The following ARHGAP10 variants were observed in gnomAD, a reference collection of about 807,000 sequenced individuals.
ARHGAP10 encodes the protein rho GTPase-activating protein 10.
In ARHGAP10, 87 loss-of-function variants were observed where a neutral mutation model predicts 108.6. That is an observed-to-expected ratio of 0.80 (90% CI 0.67 to 0.96). The LOEUF (loss-of-function observed/expected upper bound fraction) is 0.96. ARHGAP10 is among the 40% of genes least tolerant of loss of function. The pLI, the probability that ARHGAP10 is intolerant of heterozygous loss-of-function variation, is 0.00. For missense variants in ARHGAP10, 939 were observed against 954.5 expected (o/e 0.98, Z 0.21); for synonymous variants, 347 against 341.1 (o/e 1.02, Z -0.19).
chr4:148,021,095 A>G (rs906914583), intron 18 of ARHGAP10, among the ~76,000 whole-genome samples: 1 of 152,202 alleles, frequency 6.6e-6, no homozygotes, highest in South Asian at 2.1e-4. Context: ...ATTCCCAGAT[A>G]TTCTGATGTG....
At chr4:147,758,498 C>T (rs185058937) in intron 1 of ARHGAP10, among the ~76,000 whole-genome samples, 1 of 152,162 alleles carries the variant, frequency 6.6e-6, no homozygotes, top group East Asian at 1.9e-4. Flanking sequence ...AGCCTGTCCC[C>T]TTTTGGCTAA....
chr4:147,797,996 A>G (rs1731386773), intron 1 of ARHGAP10, among the ~76,000 whole-genome samples: 1 of 151,812 alleles, frequency 6.6e-6, no homozygotes, highest in African/African-American at 2.4e-5. Context: ...TGCATTTCTG[A>G]TTAGATCGAG....
chr4:147,945,988 G>C lies in ARHGAP10; in HGVS notation c.1304-629G>C, dbSNP rs149740164. Among the ~76,000 whole-genome samples the C allele has an allele frequency of 1.5e-3, 229 of 152,290 alleles. 1 individual carries two copies. Among genetic ancestry groups the C allele is most frequent in the African/African-American group, 4.9e-3 (202 of 41,566 alleles). On this transcript the variant is annotated intron_variant, in intron 14 of 22. Coordinates refer to ENST00000336498, the MANE Select transcript of ARHGAP10 (RefSeq NM_024605.4). ...TTGCATAAGGCGGGAATTCCCAGTA[G>C]CTCCACCCTGTTCCCCCAGTGCGCG...
chr4:147,784,671 T>TGA (rs1357217862), intron 1 of ARHGAP10, among the ~76,000 whole-genome samples: 2 of 80,014 alleles, frequency 2.5e-5, no homozygotes, highest in East Asian at 3.8e-4. Flanking sequence ...ATATATATTA[T>TGA]ATATTATAAA....
intron 10 of ARHGAP10, among the ~76,000 whole-genome samples, chr4:147,905,717 CTCT>C (rs2126908109): frequency 6.7e-6 from 1 of 149,190 alleles, no homozygotes; most frequent in African/African-American, 2.4e-5. Flanking sequence ...GCGATGTGGG[CTCT>C]TTTTTGGTTC....
At chr4:147,910,637 C>G (rs1736693394) in intron 12 of ARHGAP10, among the ~76,000 whole-genome samples, 4 of 151,954 alleles carry the variant, frequency 2.6e-5, no homozygotes, top group African/African-American at 9.7e-5. Context: ...CACTGCTGTA[C>G]TTGAAGAAAA....
At chr4:148,002,128 G>A (rs2149646137) in intron 18 of ARHGAP10, among the ~76,000 whole-genome samples, 1 of 152,294 alleles carries the variant, frequency 6.6e-6, no homozygotes, top group Admixed American at 6.5e-5. Flanking sequence ...CATGAAGGCT[G>A]TTGAATTTTG....
At chr4:147,813,544 C>T (rs1225442187) in intron 1 of ARHGAP10, among the ~76,000 whole-genome samples, 1 of 152,218 alleles carries the variant, frequency 6.6e-6, no homozygotes. Flanking sequence ...GGCATGAGGA[C>T]AGGCCTGCCA....
intron 9 of ARHGAP10, among the ~76,000 whole-genome samples, chr4:147,880,735 A>G (rs781402847): frequency 2.0e-4 from 30 of 152,216 alleles, no homozygotes; most frequent in Non-Finnish European, 3.4e-4. Flanking sequence ...GGTGATTCAC[A>G]TAGGGAAGAG....
intron 18 of ARHGAP10, among the ~76,000 whole-genome samples, chr4:147,970,916 CAT>C (rs1389547104): frequency 6.6e-6 from 1 of 151,980 alleles, no homozygotes; most frequent in Non-Finnish European, 1.5e-5. Context: ...GGCAAAACCC[CAT>C]CTCTACTTAA....
chr4:148,019,232 T>C (rs1159220648), intron 18 of ARHGAP10, among the ~76,000 whole-genome samples: 1 of 152,242 alleles, frequency 6.6e-6, no homozygotes, highest in Admixed American at 6.5e-5. Flanking sequence ...ATTAGTGCCC[T>C]CTAAAATAGC....
At chr4:147,945,509 C>G (rs990728645) in intron 14 of ARHGAP10, among the ~76,000 whole-genome samples, 26 of 152,114 alleles carry the variant, frequency 1.7e-4, no homozygotes, top group Admixed American at 1.5e-3. Flanking sequence ...ATAAATATTT[C>G]CCGGATGACT....
intron 3 of ARHGAP10, among the ~76,000 whole-genome samples, chr4:147,840,563 G>A (rs1436489): frequency 0.15 from 22,223 of 152,126 alleles, 1,702 homozygotes; most frequent in African/African-American, 0.2. Context: ...ACCTTGTTTG[G>A]ATTCAGGCGG....
chr4:147,870,934 G>C (rs1312062244), intron 7 of ARHGAP10, among the ~76,000 whole-genome samples: 1 of 93,964 alleles, frequency 1.1e-5, no homozygotes, highest in Non-Finnish European at 1.9e-5. Flanking sequence ...CAGACTGTGT[G>C]TGTGTGTGTG....
At chr4:147,795,433 G>T (rs951598333) in intron 1 of ARHGAP10, among the ~76,000 whole-genome samples, 1 of 152,048 alleles carries the variant, frequency 6.6e-6, no homozygotes, top group Non-Finnish European at 1.5e-5. Flanking sequence ...TTTTTTCCTT[G>T]AGGGTTAGCT....
chr4:147,841,941 C>T (rs542951625), intron 3 of ARHGAP10, among the ~76,000 whole-genome samples: 15 of 152,276 alleles, frequency 9.9e-5, no homozygotes, highest in African/African-American at 3.4e-4. Flanking sequence ...CTTCCTCCCA[C>T]GTCACCCCCA....
chr4:147,786,754 C>A (rs566987820), intron 1 of ARHGAP10, among the ~76,000 whole-genome samples: 5 of 152,228 alleles, frequency 3.3e-5, no homozygotes, highest in Admixed American at 3.3e-4. Context: ...ACCTGTAAGA[C>A]CTGTTAAAGC....
At chr4:148,030,004 C>CA (rs1728068721) in intron 19 of ARHGAP10, among the ~76,000 whole-genome samples, 1 of 151,642 alleles carries the variant, frequency 6.6e-6, no homozygotes, top group Non-Finnish European at 1.5e-5. Context: ...TCCCCCCCCC[C>CA]ACCAACCCCA....
intron 18 of ARHGAP10, among the ~76,000 whole-genome samples, chr4:148,003,761 T>C (rs553521144): frequency 6.6e-6 from 1 of 152,384 alleles, no homozygotes; most frequent in East Asian, 1.9e-4. Context: ...TCCATTTGTT[T>C]GGTAGATCTT....
Sources: gnomAD v4.1 joint callset for allele counts (sites outside exome capture counted in the v4.1 genomes callset) on GRCh38, gnomAD v4.1.1 for gene constraint, MANE v1.5 for transcripts, NCBI Gene and HGNC (gene_info 2026-07-23, HGNC 2026-07-21) for gene names.